MSI2: variants seen among roughly 807,000 people sequenced by gnomAD.
The protein encoded by MSI2 is RNA-binding protein Musashi homolog 2.
A neutral mutation model predicts 45.6 loss-of-function variants in MSI2; 17 were observed. The observed-to-expected ratio is 0.37, with a 90% CI of 0.26 to 0.56. MSI2 has a LOEUF of 0.56. Among genes scored for constraint, MSI2 ranks in the 20% least tolerant of loss-of-function variants. The pLI, the probability that MSI2 is intolerant of heterozygous loss-of-function variation, is 0.77. For missense variants in MSI2, 293 were observed against 444.2 expected (o/e 0.66, Z 3.06); for synonymous variants, 156 against 158.2 (o/e 0.99, Z 0.11).
chr17:57,610,105 G>A (rs140587942), intron 8 of MSI2, among the ~76,000 whole-genome samples: 86 of 152,188 alleles, frequency 5.7e-4, no homozygotes, highest in African/African-American at 1.9e-3. Context: ...CTATGATTAC[G>A]TAAGAAAATG....
At chr17:57,476,997 C>G (rs2085549998) in intron 6 of MSI2, among the ~76,000 whole-genome samples, 1 of 152,170 alleles carries the variant, frequency 6.6e-6, no homozygotes, top group Non-Finnish European at 1.5e-5. Flanking sequence ...CCAGCTGTCT[C>G]ATGCTTAGCA....
At chr17:57,698,192 G>T in the MSI2 span, among the ~76,000 whole-genome samples, 1 of 152,200 alleles carries the variant, frequency 6.6e-6, no homozygotes, top group South Asian at 2.1e-4. Flanking sequence ...AGGACAGACC[G>T]GATCTTCCTG....
intron 6 of MSI2, among the ~76,000 whole-genome samples, chr17:57,476,732 C>A (rs758086139): frequency 2.6e-5 from 4 of 152,164 alleles, no homozygotes; most frequent in Non-Finnish European, 5.9e-5. Context: ...CCTCATTTAA[C>A]CCTTAAAACA....
chr17:57,544,383 C>G (rs1325503344), intron 7 of MSI2, among the ~76,000 whole-genome samples: 1 of 152,204 alleles, frequency 6.6e-6, no homozygotes, highest in African/African-American at 2.4e-5. Flanking sequence ...GGATAAGTGG[C>G]TTCCAGAAAC....
chr17:57,304,539 C>T (rs577285638), intron 5 of MSI2, among the ~76,000 whole-genome samples: 2 of 150,906 alleles, frequency 1.3e-5, no homozygotes, highest in African/African-American at 4.9e-5. Flanking sequence ...TCTCCTGCCT[C>T]TGCCTCCCGA....
At chr17:57,323,262 G>A (rs1011387552) in intron 5 of MSI2, among the ~76,000 whole-genome samples, 2 of 152,158 alleles carry the variant, frequency 1.3e-5, no homozygotes, top group Admixed American at 6.5e-5. Context: ...AAAGACCCAG[G>A]TCTCATATCC....
At chr17:57,546,279 A>C (rs921925757) in intron 7 of MSI2, among the ~76,000 whole-genome samples, 9 of 152,238 alleles carry the variant, frequency 5.9e-5, no homozygotes, top group African/African-American at 2.2e-4. Context: ...ACATTCAATC[A>C]AAATGCTAAT....
intron 10 of MSI2, among the ~76,000 whole-genome samples, chr17:57,647,442 C>CTT (rs1276042500): frequency 7.8e-5 from 10 of 128,386 alleles, no homozygotes; most frequent in Non-Finnish European, 1.7e-5. Context: ...GAGTGAGACT[C>CTT]TGTCTCAAAA....
intron 6 of MSI2, among the ~76,000 whole-genome samples, chr17:57,487,697 C>T (rs1046176365): frequency 6.6e-6 from 1 of 151,916 alleles, no homozygotes; most frequent in African/African-American, 2.4e-5. Context: ...TGCCTTCTCA[C>T]GCACTCAGCT....
At chr17:57,624,295 A>T (rs1044401299) in intron 9 of MSI2, among the ~76,000 whole-genome samples, 5 of 152,324 alleles carry the variant, frequency 3.3e-5, no homozygotes, top group Non-Finnish European at 5.9e-5. Context: ...GAAAGCCCCT[A>T]GGCAGCCATG....
intron 5 of MSI2, among the ~76,000 whole-genome samples, chr17:57,269,162 G>T (rs925266769): frequency 6.6e-6 from 1 of 152,202 alleles, no homozygotes; most frequent in African/African-American, 2.4e-5. Context: ...CTTCCTTCCG[G>T]CTAGGCACTA....
At chr17:57,276,911 G>T (rs1011794062) in intron 5 of MSI2, among the ~76,000 whole-genome samples, 5 of 152,248 alleles carry the variant, frequency 3.3e-5, no homozygotes, top group Non-Finnish European at 7.4e-5. Context: ...TGGCAGAAAG[G>T]ATGAGACCAG....
chr17:57,279,995 T>C (rs1029321064), intron 5 of MSI2: 2 of 151,016 alleles, frequency 1.3e-5, no homozygotes, highest in Non-Finnish European at 2.9e-5. Context: ...CATCCATGCA[T>C]TGGATGTTAA....
chr17:57,355,597 A>G (rs1916353907), intron 5 of MSI2, among the ~76,000 whole-genome samples: 1 of 152,156 alleles, frequency 6.6e-6, no homozygotes, highest in African/African-American at 2.4e-5. Flanking sequence ...TTATAATCAC[A>G]TGCTGATTTT....
chr17:57,588,135 A>T (rs1904482281), intron 7 of MSI2, among the ~76,000 whole-genome samples: 1 of 151,952 alleles, frequency 6.6e-6, no homozygotes, highest in Admixed American at 6.6e-5. Flanking sequence ...ATCAGGGAGG[A>T]GGGAGGGCTG....
At chr17:57,349,319 G>A (rs540135070) in intron 5 of MSI2, among the ~76,000 whole-genome samples, 29 of 152,234 alleles carry the variant, frequency 1.9e-4, no homozygotes, top group African/African-American at 5.8e-4. Context: ...GTGTGTGCAC[G>A]TGCGCTTCCA....
chr17:57,356,317 T>C (rs1409941314), intron 5 of MSI2, among the ~76,000 whole-genome samples: 2 of 152,232 alleles, frequency 1.3e-5, no homozygotes, highest in Non-Finnish European at 2.9e-5. Flanking sequence ...TTTTATCTTC[T>C]TGATAACTTT....
At chr17:57,457,130 A>G (rs1490923804) in intron 6 of MSI2, among the ~76,000 whole-genome samples, 1 of 152,226 alleles carries the variant, frequency 6.6e-6, no homozygotes, top group African/African-American at 2.4e-5. Context: ...AATAACTTTA[A>G]AAGAAGAGGT....
At chr17:57,638,969 C>T (rs1365553873) in intron 10 of MSI2, among the ~76,000 whole-genome samples, 1 of 152,130 alleles carries the variant, frequency 6.6e-6, no homozygotes, top group African/African-American at 2.4e-5. Context: ...ATCAAGGTAC[C>T]AGCAGATTGG....
Sources: gnomAD v4.1 joint callset for allele counts (sites outside exome capture counted in the v4.1 genomes callset) on GRCh38, gnomAD v4.1.1 for gene constraint, MANE v1.5 for transcripts, NCBI Gene and HGNC (gene_info 2026-07-23, HGNC 2026-07-21) for gene names.